ARID1B: variants seen among roughly 807,000 people sequenced by gnomAD.
ARID1B encodes the protein AT-rich interaction domain 1B, also known as AT-rich interactive domain-containing protein 1B.
A neutral mutation model predicts 212.3 loss-of-function variants in ARID1B; 30 were observed. The observed-to-expected ratio is 0.14, with a 90% CI of 0.11 to 0.19. The LOEUF (loss-of-function observed/expected upper bound fraction) is 0.19, where lower values mean the gene tolerates loss of function less well. Ranked by LOEUF, ARID1B falls within the 10% of genes least tolerant of loss-of-function variation. The probability of loss-of-function intolerance (pLI) is 1.00; values close to 1 mark genes in which losing one functional copy is unlikely to be tolerated. For synonymous variants in ARID1B, 1,402 were observed against 1,301.7 expected (o/e 1.08, Z -1.66); for missense variants, 2,891 against 3,204.0 (o/e 0.90, Z 2.36).
chr6:157,104,207 A>C (rs1451524297), intron 5 of ARID1B, among the ~76,000 whole-genome samples: 1 of 152,234 alleles, frequency 6.6e-6, no homozygotes. Context: ...AACAAAACTC[A>C]ACACCCAGTT....
rs80008982 is a variant in ARID1B at position 156,967,416 on chromosome 6, T to C, written c.2247+31840T>C. Among the ~76,000 whole-genome samples, 105 of 152,336 alleles carry C rather than the reference T, an allele frequency of 6.9e-4. 2 individuals carry two copies. The highest frequency in any genetic ancestry group is 6.8e-3 in the Middle Eastern group (2 of 294). Reference sequence around the variant, plus strand: ...AAAAGTCATGAAGATAAATTAGCTGTCACCAATGAAGTTAATGATTAATTT... The same window carrying C: ...AAAAGTCATGAAGATAAATTAGCTGCCACCAATGAAGTTAATGATTAATTT... On this transcript the variant is annotated intron_variant, in intron 4 of 19. Coordinates refer to ENST00000636930, the MANE Select transcript of ARID1B (RefSeq NM_001374828.1).
chr6:156,929,195 C>G (rs1293851243), intron 3 of ARID1B, among the ~76,000 whole-genome samples: 1 of 152,202 alleles, frequency 6.6e-6, no homozygotes, highest in Non-Finnish European at 1.5e-5. Context: ...GTACCTGTCA[C>G]AAGTCCCCTC....
intron 8 of ARID1B, among the ~76,000 whole-genome samples, chr6:157,157,964 G>A (rs1164827626): frequency 1.3e-5 from 2 of 152,194 alleles, no homozygotes; most frequent in Non-Finnish European, 2.9e-5. Context: ...TCAAGGTTGT[G>A]GTGAGCGAGG....
At chr6:157,172,474 A>T (rs1251890493) in intron 9 of ARID1B, among the ~76,000 whole-genome samples, 1 of 152,236 alleles carries the variant, frequency 6.6e-6, no homozygotes, top group African/African-American at 2.4e-5. Context: ...GATGACTTCA[A>T]GGACTGACTG....
intron 1 of ARID1B, among the ~76,000 whole-genome samples, chr6:156,795,735 TC>T (rs1194742155): frequency 6.6e-6 from 1 of 152,166 alleles, no homozygotes; most frequent in East Asian, 1.9e-4. Flanking sequence ...GTGGGAGGGC[TC>T]CCGAGACCCT....
intron 2 of ARID1B, among the ~76,000 whole-genome samples, chr6:156,853,296 C>T (rs1784701052): frequency 1.3e-5 from 2 of 152,152 alleles, no homozygotes; most frequent in Admixed American, 1.3e-4. Flanking sequence ...TTCTTTAAAA[C>T]AATCTTATTG....
chr6:157,093,482 G>A (rs972051599), intron 5 of ARID1B, among the ~76,000 whole-genome samples: 3 of 152,182 alleles, frequency 2.0e-5, no homozygotes, highest in Non-Finnish European at 4.4e-5. Flanking sequence ...AGGGTGATAT[G>A]GGTTGTCATT....
At chr6:157,013,260 G>C (rs747671908) in intron 4 of ARID1B, among the ~76,000 whole-genome samples, 2 of 152,230 alleles carry the variant, frequency 1.3e-5, no homozygotes, top group Admixed American at 1.3e-4. Context: ...GAGGCATTTC[G>C]TGCCTTCAAA....
At chr6:157,131,941 G>A (rs187382660) in intron 6 of ARID1B, among the ~76,000 whole-genome samples, 2 of 152,222 alleles carry the variant, frequency 1.3e-5, no homozygotes, top group Admixed American at 6.5e-5. Flanking sequence ...CACCCACCTC[G>A]ACCTCCCAGA....
rs563304399 is a variant in ARID1B, at chr6:156,823,197, T to G, written c.1792-6030T>G. ...CGGCCGGGCCATGGATTCTTTACTTTTGCACAGTTGGGCTGTTCCATTTTT... is the reference window on the plus strand; with the variant it reads ...CGGCCGGGCCATGGATTCTTTACTTGTGCACAGTTGGGCTGTTCCATTTTT... On this transcript the variant is annotated intron_variant, in intron 1 of 19. Coordinates refer to ENST00000636930, the MANE Select transcript of ARID1B (RefSeq NM_001374828.1). Among the ~76,000 whole-genome samples the G allele has an allele frequency of 2.3e-4, 35 of 152,338 alleles. No homozygotes were observed. The East Asian group carries it at 6.7e-3, about 29-fold the overall frequency.
chr6:156,897,264 CTTATTATTATTATTA>C (rs1163995525), intron 2 of ARID1B, among the ~76,000 whole-genome samples: 45 of 83,612 alleles, frequency 5.4e-4, no homozygotes, highest in African/African-American at 1.6e-3. Context: ...TCTTCTTCTT[CTTATTATTATTATTA>C]TTATTATTAT....
rs774335434 is a variant in ARID1B, at chr6:157,201,022, G to A, written c.4797G>A (p.Gln1599=). 6.2e-7 allele frequency: 1 copy of A among 1,613,908 alleles called. No individual in the cohort carries two copies. The highest frequency in any genetic ancestry group is 1.7e-5 in the Admixed American group (1 of 60,014). ...GCAATGATATGCCTTATCCCTACCA[G>A]AACAGGCAGGGCCCTGGCGGCCCTA... ...AARNDMPYPY[Q]NRQGPGGPTQ... The change falls in exon 18 of 20, where the codon CAG becomes CAA. Residue 1599 remains glutamine, a synonymous_variant. Transcript: ENST00000636930. This position sits in a 1 kb window ranked among gnomAD's most constrained non-coding sequence, Gnocchi z 5.2.
At chr6:157,142,967 G>C (rs9480449) in intron 7 of ARID1B, among the ~76,000 whole-genome samples, 8,584 of 152,286 alleles carry the variant, frequency 0.056, 363 homozygotes, top group South Asian at 0.22. Context: ...AAAGCAGTAA[G>C]CTCTGAGTAT....
chr6:156,828,139 A>G (rs984572393), intron 1 of ARID1B, among the ~76,000 whole-genome samples: 2 of 146,966 alleles, frequency 1.4e-5, no homozygotes, highest in African/African-American at 2.5e-5. Context: ...ATCATAGCTC[A>G]CTGCAGCCTC....
intron 3 of ARID1B, among the ~76,000 whole-genome samples, chr6:156,918,770 ACAGAGGTGGGGTT>A (rs1790559606): frequency 1.3e-5 from 2 of 152,136 alleles, no homozygotes; most frequent in Non-Finnish European, 2.9e-5. Context: ...TTTTGGGAGC[ACAGAGGTGGGGTT>A]AGATAGGCTG....
Position 156,917,439 on chromosome 6 carries a change from G to T in ARID1B, c.2136+15914G>T, listed in dbSNP as rs189616365. ...CCCTAGTTGAACAGGAGGGTTGACG[G>T]TGCCGTGGGAGGGGTGTGTTTCAAG... On this transcript the variant is annotated intron_variant, in intron 3 of 19. Transcript: ENST00000636930. 1.5e-3 allele frequency among the ~76,000 whole-genome samples: 236 copies of T among 152,298 alleles called. 1 individual carries two copies. In the Middle Eastern group the frequency reaches 0.058, roughly 37 times the overall value.
intron 2 of ARID1B, among the ~76,000 whole-genome samples, chr6:156,856,700 TCACACACACACACACACACA>T (rs141705209): frequency 5.2e-5 from 6 of 114,732 alleles, no homozygotes; most frequent in Admixed American, 1.8e-4. Context: ...TCTCTCTCTC[TCACACACACACACACACACA>T]CACACACACA....
chr6:156,891,737 C>CCT (rs1787938582), intron 2 of ARID1B, among the ~76,000 whole-genome samples: 1 of 150,288 alleles, frequency 6.7e-6, no homozygotes, highest in Non-Finnish European at 1.5e-5. Context: ...TCTTTTTTTT[C>CCT]CCCCCCTCAA....
chr6:156,779,314 C>T lies in ARID1B; in HGVS notation c.1634C>T (p.Ala545Val). 8.8e-7 allele frequency: 1 copy of T among 1,138,038 alleles called. No homozygotes were observed. Among genetic ancestry groups the T allele is most frequent in the Non-Finnish European group, 1.1e-6 (1 of 929,646 alleles). 70.5% of individuals were successfully genotyped at this position (1,138,038 alleles called of 1,614,324 possible). A position where few individuals can be genotyped will look rare whatever the true frequency, so the allele number is the denominator to read the frequency against. Residue 545 changes from alanine (A) to valine (V), a missense_variant, in exon 1 of 20, where the codon GCG becomes GTG. Coordinates refer to ENST00000636930, the MANE Select transcript of ARID1B (RefSeq NM_001374828.1). ...QPQSQAAAAG[A>V]AAGGQQAAAG... ...CAGTCCCAGGCGGCGGCGGCGGGGG[C>T]GGCGGCGGGCGGCCAGCAGGCGGCC...
Sources: gnomAD v4.1 joint callset for allele counts (sites outside exome capture counted in the v4.1 genomes callset) on GRCh38, gnomAD v4.1.1 for gene constraint, Gnocchi (gnomAD v3.1) non-coding constraint, MANE v1.5 for transcripts, NCBI Gene and HGNC (gene_info 2026-07-23, HGNC 2026-07-21) for gene names.